FBRSL1: variants seen among roughly 807,000 people sequenced by gnomAD.
FBRSL1 encodes the protein fibrosin-1-like protein.
A neutral mutation model predicts 89.6 loss-of-function variants in FBRSL1; 51 were observed. The observed-to-expected ratio is 0.57, with a 90% CI of 0.45 to 0.72. FBRSL1 has a LOEUF of 0.72. FBRSL1 is among the 30% of genes least tolerant of loss of function. The probability of loss-of-function intolerance (pLI) is 0.00; values close to 1 mark genes in which losing one functional copy is unlikely to be tolerated. For missense variants in FBRSL1, 1,618 were observed against 1,451.8 expected, an observed-to-expected ratio of 1.11 and a Z score of -1.86; for synonymous variants, 779 against 681.1, an observed-to-expected ratio of 1.14 and a Z score of -2.24.
chr12:132,583,866 A>C lies in FBRSL1; in HGVS notation c.*88A>C. The C allele has an allele frequency of 2.5e-6, 2 of 788,362 alleles. No homozygotes were observed. Among genetic ancestry groups the C allele is most frequent in the Non-Finnish European group, 3.2e-6 (2 of 618,444 alleles). 48.8% of individuals were successfully genotyped at this position (788,362 alleles called of 1,614,324 possible). The stretch of plus-strand genomic sequence containing the variant: ...TAGAACTCAAGCACAGCTCCCGCCG[A>C]TCCTGGGGCGGCGCCGCCTCTCCAC... On this transcript the variant is annotated 3_prime_UTR_variant, in exon 19 of 19. Transcript: ENST00000680143.
At chr12:132,550,883 C>A (rs567244838) in intron 5 of FBRSL1, 1 of 162,788 alleles carries the variant, frequency 6.1e-6, no homozygotes, top group African/African-American at 2.4e-5. Context: ...CTGGTCTTCT[C>A]TGCCCGGCGC....
chr12:132,575,553 A>T (rs1449471209), intron 14 of FBRSL1, among the ~76,000 whole-genome samples: 1 of 152,232 alleles, frequency 6.6e-6, no homozygotes, highest in African/African-American at 2.4e-5. Context: ...TTATACTTGC[A>T]TGTCTGGGTG....
chr12:132,535,332 G>A (rs1011306727), intron 4 of FBRSL1, among the ~76,000 whole-genome samples: 24 of 152,188 alleles, frequency 1.6e-4, no homozygotes, highest in South Asian at 2.1e-4. Flanking sequence ...TGGCCCAGCC[G>A]GAGCTGTGCT....
In FBRSL1 at chr12:132,544,251, A is replaced by C. The variant is rs568163383; in HGVS notation, c.616-3752A>C. On this transcript the variant is annotated intron_variant, in intron 4 of 18. Transcript: ENST00000680143. The stretch of plus-strand genomic sequence containing the variant: ...AAGTGGTCACGAGGGCCATTATTGG[A>C]TGGTGAGGTCCGACAGACTCAGAGG... 5.3e-5 allele frequency among the ~76,000 whole-genome samples: 8 copies of C among 152,270 alleles called. No homozygotes were observed. The South Asian group carries it at 8.3e-4, about 16-fold the overall frequency.
At chr12:132,535,253 G>T (rs886998634) in intron 4 of FBRSL1, among the ~76,000 whole-genome samples, 2 of 152,250 alleles carry the variant, frequency 1.3e-5, no homozygotes, top group African/African-American at 4.8e-5. Flanking sequence ...TCCAAGAAAG[G>T]TCAGCCACGT....
chr12:132,518,611 C>G (rs1445090525), intron 2 of FBRSL1, among the ~76,000 whole-genome samples: 5 of 150,812 alleles, frequency 3.3e-5, no homozygotes, highest in East Asian at 2.0e-4. Context: ...TCCATCCACC[C>G]GTCTATCCAT....
intron 4 of FBRSL1, among the ~76,000 whole-genome samples, chr12:132,528,374 G>C (rs1318954191): frequency 6.6e-6 from 1 of 152,174 alleles, no homozygotes; most frequent in Non-Finnish European, 1.5e-5. Context: ...GGGTCCTGTT[G>C]GGGGCCTGGG....
intron 15 of FBRSL1, among the ~76,000 whole-genome samples, chr12:132,578,376 G>A (rs1033422426): frequency 2.8e-5 from 1 of 35,618 alleles, no homozygotes; most frequent in Non-Finnish European, 6.7e-5. Context: ...CAAAATCATA[G>A]AGAAAAGATA....
intron 5 of FBRSL1, among the ~76,000 whole-genome samples, chr12:132,550,208 G>A (rs1163989174): frequency 6.8e-6 from 1 of 146,238 alleles, no homozygotes; most frequent in Non-Finnish European, 1.5e-5. Context: ...CAGCAGGGGA[G>A]GGAGAGGGGC....
intron 4 of FBRSL1, among the ~76,000 whole-genome samples, chr12:132,539,332 C>A (rs927985060): frequency 6.6e-6 from 1 of 150,568 alleles, no homozygotes; most frequent in Non-Finnish European, 1.5e-5. Context: ...CCCACCCAGT[C>A]CTGCCCTCCA....
chr12:132,536,578 CAG>C, intron 4 of FBRSL1, among the ~76,000 whole-genome samples: 1 of 143,126 alleles, frequency 7.0e-6, no homozygotes, highest in South Asian at 2.3e-4. Flanking sequence ...GTGTACATCA[CAG>C]TGTGTGAGTG....
chr12:132,576,998 T>G (rs1439332740), intron 15 of FBRSL1, 67 bp downstream of exon 15: 2 of 1,508,320 alleles, frequency 1.3e-6, no homozygotes, highest in East Asian at 5.0e-5. Context: ...TGAGCCTGCC[T>G]TCCTGTGCCA....
chr12:132,537,937 G>A (rs1013899421), intron 4 of FBRSL1, among the ~76,000 whole-genome samples: 2 of 152,320 alleles, frequency 1.3e-5, no homozygotes, highest in South Asian at 4.1e-4. Context: ...GGCCACACTC[G>A]TGTGCAGGCG....
At chr12:132,498,757 C>T (rs942797794) in intron 1 of FBRSL1, among the ~76,000 whole-genome samples, 3 of 152,110 alleles carry the variant, frequency 2.0e-5, no homozygotes, top group Non-Finnish European at 2.9e-5. Flanking sequence ...CCAACCTATT[C>T]TAGGGGAGGG....
At chr12:132,498,750 A>C (rs1236470651) in intron 1 of FBRSL1, among the ~76,000 whole-genome samples, 3 of 151,896 alleles carry the variant, frequency 2.0e-5, no homozygotes, top group African/African-American at 7.3e-5. Flanking sequence ...GTGGCCACCA[A>C]CCTATTCTAG....
chr12:132,506,803 T>C (rs948920262), intron 1 of FBRSL1, among the ~76,000 whole-genome samples: 6 of 152,232 alleles, frequency 3.9e-5, no homozygotes, highest in Admixed American at 2.6e-4. Flanking sequence ...ACAGCAGGGC[T>C]CTGGGCCTTG....
intron 4 of FBRSL1, among the ~76,000 whole-genome samples, chr12:132,536,605 G>A (rs1387081362): frequency 6.6e-6 from 1 of 150,388 alleles, no homozygotes; most frequent in Non-Finnish European, 1.5e-5. Context: ...TGTACATGAC[G>A]GTGTGTGTGT....
At chr12:132,560,355 C>A (rs1049555837) in intron 5 of FBRSL1, 1 of 152,266 alleles carries the variant, frequency 6.6e-6, no homozygotes, top group South Asian at 2.0e-4. Flanking sequence ...CACACCGCCT[C>A]TCCCGGAGCC....
intron 2 of FBRSL1, chr12:132,511,870 CT>C: frequency 6.1e-6 from 6 of 985,286 alleles, no homozygotes; most frequent in Non-Finnish European, 7.2e-6. Flanking sequence ...CGGTGCTCAC[CT>C]GGGGCCTCCA....
Sources: allele counts gnomAD v4.1 joint callset (sites outside exome capture counted in the v4.1 genomes callset), GRCh38; gene constraint gnomAD v4.1.1; transcripts MANE v1.5; gene names NCBI Gene and HGNC (gene_info 2026-07-23, HGNC 2026-07-21).